The following CPED1 variants were observed in gnomAD, a reference collection of about 807,000 sequenced individuals.
CPED1 encodes the protein cadherin-like and PC-esterase domain-containing protein 1.
CPED1 carries 114 observed loss-of-function variants against 128.2 expected under a neutral mutation model. The ratio of observed to expected loss-of-function variants is 0.89; its 90% CI spans 0.76 to 1.04. CPED1 has a LOEUF of 1.04. Among genes scored for constraint, CPED1 ranks in the 50% least tolerant of loss-of-function variants. The pLI is 0.00. For missense variants in CPED1, 1,211 were observed against 1,207.1 expected, an observed-to-expected ratio of 1.00 and a Z score of -0.05; for synonymous variants, 462 against 426.7, an observed-to-expected ratio of 1.08 and a Z score of -1.02.
At chr7:121,238,856 A>G (rs1178359764) in intron 17 of CPED1, among the ~76,000 whole-genome samples, 1 of 151,906 alleles carries the variant, frequency 6.6e-6, no homozygotes, top group Non-Finnish European at 1.5e-5. Context: ...TCTAGAGAAG[A>G]GATTGTCCCT....
intron 4 of CPED1, among the ~76,000 whole-genome samples, chr7:121,062,388 T>C (rs949625079): frequency 1.3e-5 from 2 of 152,340 alleles, no homozygotes; most frequent in African/African-American, 4.8e-5. Context: ...ATTACAACAC[T>C]ACATTGTAAA....
chr7:121,039,936 G>C (rs1010932226), intron 3 of CPED1, among the ~76,000 whole-genome samples: 4 of 151,894 alleles, frequency 2.6e-5, no homozygotes, highest in Non-Finnish European at 4.4e-5. Flanking sequence ...GAAAAATTTA[G>C]GGAGCTCAAA....
At chr7:121,166,273 C>G (rs1232978197) in intron 16 of CPED1, among the ~76,000 whole-genome samples, 1 of 152,142 alleles carries the variant, frequency 6.6e-6, no homozygotes, top group Non-Finnish European at 1.5e-5. Flanking sequence ...GAGCAAGCCA[C>G]TTAAGTTCTC....
chr7:121,157,940 A>G (rs1125446), intron 16 of CPED1, among the ~76,000 whole-genome samples: 66,827 of 152,024 alleles, frequency 0.44, 15,961 homozygotes, highest in East Asian at 0.84. Context: ...TAGCTCTTCT[A>G]TACCCTTACT....
chr7:121,226,897 T>A (rs936262365), intron 16 of CPED1, among the ~76,000 whole-genome samples: 3 of 152,134 alleles, frequency 2.0e-5, no homozygotes, highest in Non-Finnish European at 2.9e-5. Context: ...GCTGATTGAC[T>A]ACAGTGCAAG....
intron 5 of CPED1, among the ~76,000 whole-genome samples, chr7:121,069,356 T>C (rs917713936): frequency 2.0e-5 from 3 of 152,160 alleles, no homozygotes; most frequent in Non-Finnish European, 2.9e-5. Flanking sequence ...TGAAATCCCA[T>C]AATTCTGCTG....
At chr7:120,992,089 C>G (rs1796318469) in intron 2 of CPED1, among the ~76,000 whole-genome samples, 1 of 152,050 alleles carries the variant, frequency 6.6e-6, no homozygotes, top group Non-Finnish European at 1.5e-5. Context: ...GATACTCTTT[C>G]AGATGGCTAA....
At chr7:121,060,222 C>G (rs890230199) in intron 4 of CPED1, among the ~76,000 whole-genome samples, 10 of 152,360 alleles carry the variant, frequency 6.6e-5, no homozygotes, top group East Asian at 1.9e-4. Context: ...CCTCCCACCC[C>G]CTCCGTGGGC....
At chr7:121,254,489 A>G (rs1236814460) in intron 18 of CPED1, among the ~76,000 whole-genome samples, 1 of 152,058 alleles carries the variant, frequency 6.6e-6, no homozygotes, top group East Asian at 1.9e-4. Context: ...ATAAGTTTCC[A>G]CCAAAAGGAA....
chr7:121,195,192 G>A (rs1797244204), intron 16 of CPED1: 1 of 151,420 alleles, frequency 6.6e-6, no homozygotes, highest in South Asian at 2.1e-4. Flanking sequence ...TAAGACCCCA[G>A]ACTTTTAATA....
At chr7:121,009,672 T>C (rs990022078) in intron 2 of CPED1, among the ~76,000 whole-genome samples, 7 of 151,452 alleles carry the variant, frequency 4.6e-5, no homozygotes, top group African/African-American at 1.5e-4. Context: ...ACTAATAAAT[T>C]TGAAATAAAT....
intron 18 of CPED1, among the ~76,000 whole-genome samples, chr7:121,254,607 C>T (rs1798762076): frequency 6.6e-6 from 1 of 151,730 alleles, no homozygotes; most frequent in African/African-American, 2.4e-5. Flanking sequence ...TACAAAAGAT[C>T]AGTGAAAACA....
chr7:121,177,747 A>G (rs913669073), intron 16 of CPED1, among the ~76,000 whole-genome samples: 3 of 152,064 alleles, frequency 2.0e-5, no homozygotes, highest in Admixed American at 6.6e-5. Context: ...ATGTCATGAC[A>G]TGACATTTTG....
At chr7:121,164,175 C>G (rs1796471193) in intron 16 of CPED1, among the ~76,000 whole-genome samples, 1 of 152,238 alleles carries the variant, frequency 6.6e-6, no homozygotes, top group African/African-American at 2.4e-5. Context: ...GCATGGCCCA[C>G]TGCTGGATAC....
At position 121,267,230 on chromosome 7, in the gene CPED1, T is replaced by C. The variant is rs959957596; in HGVS notation, c.2649T>C (p.Asn883=). 8.2e-6 allele frequency: 13 copies of C among 1,586,040 alleles called. No individual in the cohort carries two copies. Among genetic ancestry groups the C allele is most frequent in the Non-Finnish European group, 1.1e-5 (13 of 1,159,274 alleles). ...TCTCATTCAGGGAAAATTTACTCAA[T>C]ATCCTAGTGATCATCAAAACTTTGG... ...HKVLKRENLL[N]ILVIIKTLGI... is the part of the protein sequence containing the mutation. The change falls in exon 21 of 23, where the codon AAT becomes AAC. Residue 883 remains asparagine, a synonymous_variant. Transcript: ENST00000310396.
chr7:121,248,125 A>G (rs1051082738), intron 18 of CPED1, among the ~76,000 whole-genome samples: 16 of 152,198 alleles, frequency 1.1e-4, no homozygotes, highest in Non-Finnish European at 2.4e-4. Flanking sequence ...CCAAGGCTGC[A>G]GTGTGCAGCT....
chr7:121,248,396 T>C (rs1041780603), intron 18 of CPED1, among the ~76,000 whole-genome samples: 5 of 152,138 alleles, frequency 3.3e-5, no homozygotes, highest in Middle Eastern at 3.4e-3. Flanking sequence ...CCCAAAGATG[T>C]AGGAGCAGGA....
intron 16 of CPED1, among the ~76,000 whole-genome samples, chr7:121,142,874 A>G (rs1263827512): frequency 1.3e-5 from 2 of 152,040 alleles, no homozygotes; most frequent in Admixed American, 6.6e-5. Context: ...TCACTCAGAA[A>G]GTATACTTGC....
chr7:121,065,764 C>T (rs1252637195), intron 5 of CPED1, among the ~76,000 whole-genome samples: 2 of 151,900 alleles, frequency 1.3e-5, no homozygotes, highest in African/African-American at 4.8e-5. Flanking sequence ...TTTTTTTATT[C>T]TCGAGAACAT....
Sources: gnomAD v4.1 joint callset for allele counts (sites outside exome capture counted in the v4.1 genomes callset) on GRCh38, gnomAD v4.1.1 for gene constraint, MANE v1.5 for transcripts, NCBI Gene and HGNC (gene_info 2026-07-23, HGNC 2026-07-21) for gene names.